Variants in CSGALNACT1 observed in about 807,000 individuals in gnomAD.
CSGALNACT1 encodes chondroitin sulfate N-acetylgalactosaminyltransferase 1.
CSGALNACT1 carries 52 observed loss-of-function variants against 51.0 expected under a neutral mutation model. The observed-to-expected ratio is 1.02, with a 90% CI of 0.82 to 1.29. CSGALNACT1 has a LOEUF of 1.29. CSGALNACT1 is among the 50% of genes most tolerant of loss of function. The pLI is 0.00. For missense variants in CSGALNACT1, 935 were observed against 679.2 expected (o/e 1.38, Z -4.19); for synonymous variants, 341 against 254.4 (o/e 1.34, Z -3.24).
At chr8:19,456,006 A>G (rs149389472) in intron 5 of CSGALNACT1, among the ~76,000 whole-genome samples, 1 of 152,286 alleles carries the variant, frequency 6.6e-6, no homozygotes, top group Non-Finnish European at 1.5e-5. Context: ...AAAAGTCCAT[A>G]TGGTGGGCTG....
At chr8:19,711,263 G>T (rs189380296) in intron 1 of CSGALNACT1, among the ~76,000 whole-genome samples, 61 of 152,216 alleles carry the variant, frequency 4.0e-4, no homozygotes, top group African/African-American at 1.4e-3. Flanking sequence ...TTTTAAAACC[G>T]ATATTTTTAT....
At chr8:19,557,411 C>T (rs79053700) in intron 3 of CSGALNACT1, among the ~76,000 whole-genome samples, 4,643 of 152,276 alleles carry the variant, frequency 0.03, 244 homozygotes, top group African/African-American at 0.11. Context: ...GACTCTCCAA[C>T]GTCTCCCATT....
chr8:19,410,439 C>A (rs2055410269), intron 8 of CSGALNACT1, among the ~76,000 whole-genome samples: 2 of 152,206 alleles, frequency 1.3e-5, no homozygotes, highest in Non-Finnish European at 2.9e-5. Flanking sequence ...CTTCTGCTGG[C>A]AACCTAGACA....
At chr8:19,476,072 A>G (rs907399979) in intron 4 of CSGALNACT1, among the ~76,000 whole-genome samples, 1 of 152,244 alleles carries the variant, frequency 6.6e-6, no homozygotes, top group Non-Finnish European at 1.5e-5. Flanking sequence ...AACTTTATTA[A>G]TGTATCCTAT....
intron 1 of CSGALNACT1, among the ~76,000 whole-genome samples, chr8:19,652,415 A>C (rs1036743814): frequency 6.6e-6 from 1 of 152,162 alleles, no homozygotes; most frequent in Non-Finnish European, 1.5e-5. Flanking sequence ...CCATGGATGC[A>C]TATCTAGAAA....
At chr8:19,549,934 T>C (rs2087531309) in intron 3 of CSGALNACT1, among the ~76,000 whole-genome samples, 4 of 152,156 alleles carry the variant, frequency 2.6e-5, no homozygotes, top group Admixed American at 2.6e-4. Flanking sequence ...GTATGCGACC[T>C]ACCTTTTCTC....
intron 1 of CSGALNACT1, among the ~76,000 whole-genome samples, chr8:19,636,213 G>A (rs765622675): frequency 6.6e-6 from 1 of 152,066 alleles, no homozygotes; most frequent in African/African-American, 2.4e-5. Flanking sequence ...AGAGAGATCA[G>A]TTTCACGTAA....
chr8:19,601,726 C>T (rs1020258204), intron 2 of CSGALNACT1, 45 bp downstream of exon 2: 1 of 435,566 alleles, frequency 2.3e-6, no homozygotes, highest in Non-Finnish European at 4.6e-6. Flanking sequence ...GAACACAAAG[C>T]AGACCATGCA....
intron 2 of CSGALNACT1, among the ~76,000 whole-genome samples, chr8:19,594,742 G>C (rs2048542574): frequency 6.6e-6 from 1 of 151,688 alleles, no homozygotes; most frequent in South Asian, 2.1e-4. Flanking sequence ...ACTAGAGACA[G>C]GGTTTCACCA....
chr8:19,689,408 G>A (rs1463553345), intron 1 of CSGALNACT1, among the ~76,000 whole-genome samples: 1 of 152,152 alleles, frequency 6.6e-6, no homozygotes, highest in African/African-American at 2.4e-5. Flanking sequence ...CCAGCCCCCT[G>A]AACGGTCCCA....
chr8:19,423,864 C>T (rs909897730), intron 6 of CSGALNACT1, among the ~76,000 whole-genome samples: 4 of 152,184 alleles, frequency 2.6e-5, no homozygotes, highest in African/African-American at 9.7e-5. Flanking sequence ...ATTTTGAATT[C>T]ACTTCATGTG....
At chr8:19,431,464 C>T (rs2153726489) in intron 6 of CSGALNACT1, among the ~76,000 whole-genome samples, 1 of 151,812 alleles carries the variant, frequency 6.6e-6, no homozygotes, top group South Asian at 2.1e-4. Flanking sequence ...TGGCATATTT[C>T]ATTGATTTTC....
intron 1 of CSGALNACT1, among the ~76,000 whole-genome samples, chr8:19,711,135 T>C (rs1335755767): frequency 6.6e-6 from 1 of 152,226 alleles, no homozygotes; most frequent in Non-Finnish European, 1.5e-5. Flanking sequence ...TAGATTTTTA[T>C]ATGTCTTTAA....
intron 3 of CSGALNACT1, among the ~76,000 whole-genome samples, chr8:19,533,108 C>CGTTTTT (rs573049153): frequency 2.0e-5 from 3 of 151,830 alleles, no homozygotes; most frequent in Non-Finnish European, 4.4e-5. Context: ...AGCAGTTTGA[C>CGTTTTT]GTTTTTGTTT....
At chr8:19,445,644 T>C (rs1288664579) in intron 5 of CSGALNACT1, among the ~76,000 whole-genome samples, 1 of 152,226 alleles carries the variant, frequency 6.6e-6, no homozygotes, top group Non-Finnish European at 1.5e-5. Flanking sequence ...GTAAGACATG[T>C]CTGCCCTTGA....
At chr8:19,647,488 T>C (rs577928350) in intron 1 of CSGALNACT1, among the ~76,000 whole-genome samples, 103 of 152,324 alleles carry the variant, frequency 6.8e-4, no homozygotes, top group African/African-American at 2.5e-3. Flanking sequence ...TTATTTTTGC[T>C]CCTCCTCTTT....
chr8:19,410,112 C>T (rs140706073), intron 8 of CSGALNACT1, among the ~76,000 whole-genome samples: 20 of 152,334 alleles, frequency 1.3e-4, no homozygotes, highest in African/African-American at 4.3e-4. Context: ...ATGTCACTTA[C>T]ATTCCACAGG....
At chr8:19,555,562 TAAAC>T (rs936474937) in intron 3 of CSGALNACT1, among the ~76,000 whole-genome samples, 8 of 151,972 alleles carry the variant, frequency 5.3e-5, no homozygotes, top group Admixed American at 2.6e-4. Flanking sequence ...TAGAAAAAAA[TAAAC>T]AAACAAAAAA....
intron 3 of CSGALNACT1, among the ~76,000 whole-genome samples, chr8:19,519,103 T>C (rs946634548): frequency 1.3e-5 from 2 of 152,062 alleles, no homozygotes; most frequent in African/African-American, 4.8e-5. Flanking sequence ...GAACAAACAT[T>C]ATGGAAAGCC....
Sources: gnomAD v4.1 joint callset for allele counts (sites outside exome capture counted in the v4.1 genomes callset) on GRCh38, gnomAD v4.1.1 for gene constraint, MANE v1.5 for transcripts, NCBI Gene and HGNC (gene_info 2026-07-23, HGNC 2026-07-21) for gene names.